Variants in RAB7A observed in about 807,000 individuals in gnomAD.
RAB7A encodes the protein RAB7A, member RAS oncogene family, also known as ras-related protein Rab-7a.
In RAB7A, 2 loss-of-function variants were observed where a neutral mutation model predicts 24.5. That is an observed-to-expected ratio of 0.08 (90% CI 0.03 to 0.26). RAB7A has a LOEUF of 0.26. Among genes scored for constraint, RAB7A ranks in the 10% least tolerant of loss-of-function variants. The pLI, the probability that RAB7A is intolerant of heterozygous loss-of-function variation, is 1.00. For synonymous variants in RAB7A, 100 were observed against 95.9 expected (o/e 1.04, Z -0.25); for missense variants, 118 against 255.7 (o/e 0.46, Z 3.67).
At chr3:128,790,870 T>G (rs749008081) in intron 1 of RAB7A, among the ~76,000 whole-genome samples, 2 of 152,164 alleles carry the variant, frequency 1.3e-5, no homozygotes, top group Non-Finnish European at 2.9e-5. Context: ...ATTGTTTATA[T>G]TAAATGCTCC....
intron 1 of RAB7A, among the ~76,000 whole-genome samples, chr3:128,762,763 T>C (rs2070785461): frequency 1.3e-5 from 2 of 152,230 alleles, no homozygotes; most frequent in African/African-American, 4.8e-5. Flanking sequence ...CTGCCTCAAC[T>C]GTCCTGTTCA....
intron 1 of RAB7A, among the ~76,000 whole-genome samples, chr3:128,751,028 G>C (rs2070675971): frequency 6.6e-6 from 1 of 152,250 alleles, no homozygotes. Context: ...CGAGTGCACA[G>C]AAGTCAAGAA....
chr3:128,782,703 C>T (rs1268605313), intron 1 of RAB7A, among the ~76,000 whole-genome samples: 1 of 151,264 alleles, frequency 6.6e-6, no homozygotes, highest in Non-Finnish European at 1.5e-5. Flanking sequence ...AGTGCCCAGG[C>T]ATTCTTTATG....
At chr3:128,806,332 C>G in intron 3 of RAB7A, 40 bp from the exon 4 acceptor site, 1 of 1,569,014 alleles carries the variant, frequency 6.4e-7, no homozygotes, top group Non-Finnish European at 8.8e-7. Flanking sequence ...GGTGCTCTGC[C>G]TAGCATTCTC....
chr3:128,738,639 G>A (rs546825315), intron 1 of RAB7A, among the ~76,000 whole-genome samples: 9 of 152,178 alleles, frequency 5.9e-5, no homozygotes, highest in Non-Finnish European at 7.4e-5. Context: ...GCTTGCCACA[G>A]ATTATCTTAT....
rs35146916 is a variant in RAB7A, at chr3:128,770,972, CT to C, written c.-8-24373del. On this transcript the variant is annotated intron_variant, in intron 1 of 5. Transcript: ENST00000265062. ...TTAAATGTTAAGAAAGGGAATGTGACTTTTTTTTTTTTTTTGAGTCAGGGTC... is the reference window on the plus strand; with the variant it reads ...TTAAATGTTAAGAAAGGGAATGTGACTTTTTTTTTTTTTTGAGTCAGGGTC... Among the ~76,000 whole-genome samples the C allele has an allele frequency of 4.6e-3, 648 of 141,662 alleles. 1 individual carries two copies. The highest frequency in any genetic ancestry group is 0.033 in the Middle Eastern group (9 of 276). 92.9% of individuals were successfully genotyped at this position (141,662 alleles called of 152,430 possible). A position where few individuals can be genotyped will look rare whatever the true frequency, so the allele number is the denominator to read the frequency against.
At chr3:128,756,361 CAAA>C (rs796338526) in intron 1 of RAB7A, among the ~76,000 whole-genome samples, 2 of 117,818 alleles carry the variant, frequency 1.7e-5, no homozygotes, top group Non-Finnish European at 3.7e-5. Context: ...GACTTTGTCT[CAAA>C]AAAAAAAAAA....
At chr3:128,746,780 T>G (rs1215706864) in intron 1 of RAB7A, among the ~76,000 whole-genome samples, 1 of 150,768 alleles carries the variant, frequency 6.6e-6, no homozygotes. Flanking sequence ...CCACCCGCCT[T>G]GGCCTCCCGA....
intron 1 of RAB7A, among the ~76,000 whole-genome samples, chr3:128,791,151 T>G (rs1307196664): frequency 6.6e-6 from 1 of 152,138 alleles, no homozygotes. Flanking sequence ...TTTGTTTGTT[T>G]TTTTTTTTAA....
intron 5 of RAB7A, among the ~76,000 whole-genome samples, chr3:128,808,130 G>A (rs1309425168): frequency 6.6e-6 from 1 of 152,168 alleles, no homozygotes; most frequent in South Asian, 2.1e-4. Context: ...GCCAAGGCGG[G>A]CTGATCACTT....
chr3:128,795,751 C>CTTTTTTTTTTTCTTTTTTTTTTT (rs1933556018), intron 2 of RAB7A, among the ~76,000 whole-genome samples: 1 of 43,032 alleles, frequency 2.3e-5, no homozygotes, highest in Admixed American at 4.4e-4. Flanking sequence ...AGCAGATGTG[C>CTTTTTTTTTTTCTTTTTTTTTTT]TTTTTTTTTT....
chr3:128,778,282 G>A (rs892650006), intron 1 of RAB7A, among the ~76,000 whole-genome samples: 2 of 152,140 alleles, frequency 1.3e-5, no homozygotes, highest in Non-Finnish European at 2.9e-5. Flanking sequence ...GACAGTTCAG[G>A]TTTAAACTAG....
At chr3:128,777,412 G>A (rs1933121777) in intron 1 of RAB7A, among the ~76,000 whole-genome samples, 1 of 152,180 alleles carries the variant, frequency 6.6e-6, no homozygotes, top group Non-Finnish European at 1.5e-5. Flanking sequence ...ATGTGGCCCA[G>A]GCTGTTCTTA....
In RAB7A at chr3:128,771,318, G is replaced by A. The variant is rs367643652; in HGVS notation, c.-8-24042G>A. On this transcript the variant is annotated intron_variant, in intron 1 of 5. Coordinates refer to ENST00000265062, the MANE Select transcript of RAB7A (RefSeq NM_004637.6). ...GGTAGAAAATTTCCTCAGTTTGGGGGGCTCATCTTCAAGAGTGGAGACTAA... is the reference window on the plus strand; with the variant it reads ...GGTAGAAAATTTCCTCAGTTTGGGGAGCTCATCTTCAAGAGTGGAGACTAA... Among the ~76,000 whole-genome samples, 16 of 152,264 alleles carry A rather than the reference G, an allele frequency of 1.1e-4. 1 individual carries two copies. Among genetic ancestry groups the A allele is most frequent in the Admixed American group, 3.3e-4 (5 of 15,290 alleles).
chr3:128,795,945 G>T (rs1933565456), intron 2 of RAB7A, among the ~76,000 whole-genome samples: 1 of 151,596 alleles, frequency 6.6e-6, no homozygotes, highest in South Asian at 2.1e-4. Context: ...TAGAGATGGG[G>T]TTTCACCGTG....
At chr3:128,788,209 T>C (rs968933850) in intron 1 of RAB7A, among the ~76,000 whole-genome samples, 2 of 152,234 alleles carry the variant, frequency 1.3e-5, no homozygotes, top group African/African-American at 4.8e-5. Context: ...GACTTAATAA[T>C]GGTCCCAAAG....
intron 1 of RAB7A, among the ~76,000 whole-genome samples, chr3:128,771,886 CTG>C (rs1932945598): frequency 6.6e-6 from 1 of 152,270 alleles, no homozygotes; most frequent in East Asian, 1.9e-4. Flanking sequence ...ATTTTGTAGA[CTG>C]TGAGGACTCT....
intron 1 of RAB7A, among the ~76,000 whole-genome samples, chr3:128,746,529 T>C (rs866147319): frequency 6.6e-6 from 1 of 151,938 alleles, no homozygotes; most frequent in South Asian, 2.1e-4. Flanking sequence ...TTATTTTTTA[T>C]TTTTTATTTT....
intron 1 of RAB7A, among the ~76,000 whole-genome samples, chr3:128,792,445 C>T (rs929238101): frequency 2.6e-5 from 4 of 151,866 alleles, no homozygotes; most frequent in Non-Finnish European, 5.9e-5. Flanking sequence ...CTTGCTCTGT[C>T]GCCCAGGCTG....
Sources: allele counts gnomAD v4.1 joint callset (sites outside exome capture counted in the v4.1 genomes callset), GRCh38; gene constraint gnomAD v4.1.1; transcripts MANE v1.5; gene names NCBI Gene and HGNC (gene_info 2026-07-23, HGNC 2026-07-21).